The following ATRNL1 variants were observed in gnomAD, a reference collection of about 807,000 sequenced individuals.
The protein encoded by ATRNL1 is attractin like 1, also known as attractin-like protein 1.
ATRNL1 carries 95 observed loss-of-function variants against 182.7 expected under a neutral mutation model. The observed-to-expected ratio is 0.52, with a 90% confidence interval of 0.44 to 0.62. The LOEUF is 0.62. Among genes scored for constraint, ATRNL1 ranks in the 20% least tolerant of loss-of-function variants. ATRNL1 has a pLI of 0.00. For synonymous variants in ATRNL1, 576 were observed against 568.3 expected (o/e 1.01, Z -0.19); for missense variants, 1,471 against 1,679.5 (o/e 0.88, Z 2.17).
intron 15 of ATRNL1, among the ~76,000 whole-genome samples, chr10:115,289,481 A>G (rs2420076): frequency 0.99 from 150,868 of 152,278 alleles, 74,751 homozygotes; most frequent in Middle Eastern, 1. Flanking sequence ...AAGTTTTTTC[A>G]TATGTTTTCT....
At chr10:115,659,581 ATGTAT>A (rs1860545063) in intron 26 of ATRNL1, among the ~76,000 whole-genome samples, 1 of 152,114 alleles carries the variant, frequency 6.6e-6, no homozygotes, top group South Asian at 2.1e-4. Flanking sequence ...ACATTATTTA[ATGTAT>A]TGTAATACAG....
intron 10 of ATRNL1, among the ~76,000 whole-genome samples, chr10:115,258,116 G>C (rs1313680337): frequency 6.6e-6 from 1 of 152,120 alleles, no homozygotes; most frequent in East Asian, 1.9e-4. Context: ...GAGTATCTTT[G>C]TGGTGTTCTC....
intron 20 of ATRNL1, among the ~76,000 whole-genome samples, chr10:115,414,115 A>AT (rs565210701): frequency 4.3e-4 from 65 of 152,114 alleles, no homozygotes; most frequent in Admixed American, 1.3e-3. Flanking sequence ...ACATCAACAT[A>AT]TTTACTTGTT....
chr10:115,591,006 T>C (rs1425703339), intron 26 of ATRNL1, among the ~76,000 whole-genome samples: 1 of 152,182 alleles, frequency 6.6e-6, no homozygotes, highest in Non-Finnish European at 1.5e-5. Flanking sequence ...AACAGGGCAT[T>C]TGAGAATCCG....
chr10:115,776,171 A>G (rs1949121233), intron 27 of ATRNL1, among the ~76,000 whole-genome samples: 1 of 152,154 alleles, frequency 6.6e-6, no homozygotes, highest in African/African-American at 2.4e-5. Context: ...TTCAGGAATA[A>G]GTGGTATATT....
chr10:115,310,717 CTTCTT>C (rs1853974152), intron 17 of ATRNL1, among the ~76,000 whole-genome samples: 1 of 152,116 alleles, frequency 6.6e-6, no homozygotes, highest in South Asian at 2.1e-4. Context: ...TTTGAATCCT[CTTCTT>C]TGTTAATCTA....
intron 5 of ATRNL1, among the ~76,000 whole-genome samples, chr10:115,133,584 C>T (rs1204645959): frequency 6.6e-6 from 1 of 152,032 alleles, no homozygotes; most frequent in Non-Finnish European, 1.5e-5. Flanking sequence ...CTTAGACTCC[C>T]ACACAATAAT....
At chr10:115,685,030 C>T (rs1316994231) in intron 26 of ATRNL1, among the ~76,000 whole-genome samples, 1 of 151,622 alleles carries the variant, frequency 6.6e-6, no homozygotes, top group Non-Finnish European at 1.5e-5. Context: ...AGTACATCAG[C>T]CATTTCCAAT....
At chr10:115,524,894 A>G (rs1022672886) in intron 25 of ATRNL1, among the ~76,000 whole-genome samples, 25 of 152,202 alleles carry the variant, frequency 1.6e-4, no homozygotes, top group African/African-American at 5.8e-4. Flanking sequence ...ATGGGAGTCA[A>G]TTAGGCCCTC....
intron 26 of ATRNL1, among the ~76,000 whole-genome samples, chr10:115,596,191 C>T (rs535470005): frequency 6.6e-6 from 1 of 152,080 alleles, no homozygotes; most frequent in Non-Finnish European, 1.5e-5. Context: ...CTGCAACCTC[C>T]GCCTCCTGGG....
chr10:115,309,353 A>G (rs1853900373), intron 17 of ATRNL1, among the ~76,000 whole-genome samples: 1 of 152,042 alleles, frequency 6.6e-6, no homozygotes, highest in South Asian at 2.1e-4. Context: ...GAACCTGCAG[A>G]TTGTTTTGGG....
At chr10:115,291,820 T>TC (rs2133952762) in intron 15 of ATRNL1, among the ~76,000 whole-genome samples, 1 of 151,686 alleles carries the variant, frequency 6.6e-6, no homozygotes, top group East Asian at 1.9e-4. Context: ...GTTTTTTTTT[T>TC]TTTTTTTTTT....
At chr10:115,195,387 G>A (rs1205310606) in intron 8 of ATRNL1, among the ~76,000 whole-genome samples, 1 of 151,956 alleles carries the variant, frequency 6.6e-6, no homozygotes, top group East Asian at 1.9e-4. Context: ...AACTTTCTAG[G>A]TTGGATGTTT....
chr10:115,854,421 T>G lies in ATRNL1; in HGVS notation c.4018+6430T>G, dbSNP rs567949007. Reference sequence around the variant, plus strand: ...TGGCGATGGCTATAGAGCACCTCCTTTCTGTGCATCCTCAGCTTCATCTGC... The same window carrying G: ...TGGCGATGGCTATAGAGCACCTCCTGTCTGTGCATCCTCAGCTTCATCTGC... On this transcript the variant is annotated intron_variant, in intron 28 of 28. Coordinates refer to ENST00000355044, the MANE Select transcript of ATRNL1 (RefSeq NM_207303.4). Among the ~76,000 whole-genome samples, 249 of 152,298 alleles carry G rather than the reference T, an allele frequency of 1.6e-3. 11 individuals are homozygous for G. In the South Asian group the frequency reaches 0.049, roughly 30 times the overall value.
Position 115,461,952 on chromosome 10 carries a change from A to T in ATRNL1, c.3334A>T (p.Ile1112Phe). The change falls in exon 22 of 29, where the codon ATT becomes TTT. Residue 1112 changes from isoleucine (I) to phenylalanine (F), a missense_variant. Ile to Phe is a conservative substitution (Grantham distance 21, BLOSUM62 0). Around this residue, in one of 3 missense-constraint regions of ATRNL1, gnomAD observed 437 missense variants for 506.0 expected, o/e 0.86. Coordinates refer to ENST00000355044, the MANE Select transcript of ATRNL1 (RefSeq NM_207303.4). ...LRGTCYYSLL[I>F]DYQFTFSLLQ... ...TTTCCTCCCTACAGACAGCCTTTTG[A>T]TTGATTATCAATTTACCTTCAGCTT... 1 of 1,609,470 alleles carries T rather than the reference A, an allele frequency of 6.2e-7. No homozygotes were observed. The highest frequency in any genetic ancestry group is 8.5e-7 in the Non-Finnish European group (1 of 1,177,904).
chr10:115,677,696 C>A (rs1026495738), intron 26 of ATRNL1, among the ~76,000 whole-genome samples: 4 of 152,090 alleles, frequency 2.6e-5, no homozygotes, highest in Non-Finnish European at 5.9e-5. Context: ...ACCTCTTTTT[C>A]TTTCCAGTCT....
chr10:115,680,775 C>CA (rs1946020492), intron 26 of ATRNL1, among the ~76,000 whole-genome samples: 1 of 152,046 alleles, frequency 6.6e-6, no homozygotes, highest in Admixed American at 6.6e-5. Flanking sequence ...GTATTGAAAG[C>CA]AATAGCTATA....
chr10:115,572,775 TA>T (rs1555003861), intron 26 of ATRNL1, among the ~76,000 whole-genome samples: 1 of 152,206 alleles, frequency 6.6e-6, no homozygotes, highest in African/African-American at 2.4e-5. Flanking sequence ...TGATTAATGT[TA>T]AATACTGTTT....
intron 28 of ATRNL1, among the ~76,000 whole-genome samples, chr10:115,941,415 C>T (rs185639157): frequency 4.6e-5 from 7 of 152,246 alleles, no homozygotes; most frequent in East Asian, 3.9e-4. Flanking sequence ...TTTGGATTAG[C>T]GTAGAATTTC....
Sources: gnomAD v4.1 joint callset for allele counts (sites outside exome capture counted in the v4.1 genomes callset) on GRCh38, gnomAD v4.1.1 for gene constraint, gnomAD v4.1.1 regional missense constraint, MANE v1.5 for transcripts, NCBI Gene and HGNC (gene_info 2026-07-23, HGNC 2026-07-21) for gene names.